EXOC2: variants seen among roughly 807,000 people sequenced by gnomAD.
The protein encoded by EXOC2 is exocyst complex component 2, also known as SEC5-like 1.
In EXOC2, 70 loss-of-function variants were observed where a neutral mutation model predicts 131.8. The ratio of observed to expected loss-of-function variants is 0.53; its 90% CI spans 0.44 to 0.65. EXOC2 has a LOEUF of 0.65. EXOC2 is among the 30% of genes least tolerant of loss of function. EXOC2 has a pLI of 0.00. For synonymous variants in EXOC2, 411 were observed against 398.4 expected, an observed-to-expected ratio of 1.03 and a Z score of -0.38; for missense variants, 923 against 1,108.6, an observed-to-expected ratio of 0.83 and a Z score of 2.38.
At chr6:651,028 TTC>T (rs1167767187) in intron 1 of EXOC2, among the ~76,000 whole-genome samples, 2 of 63,914 alleles carry the variant, frequency 3.1e-5, no homozygotes, top group South Asian at 8.1e-4. Context: ...AAGGCATGTG[TTC>T]TTTTTTTTTT....
intron 17 of EXOC2, 35 bp from the exon 18 acceptor site, chr6:556,599 A>G: frequency 6.2e-7 from 1 of 1,609,588 alleles, no homozygotes; most frequent in South Asian, 1.1e-5. Flanking sequence ...AAACTCAAAA[A>G]TGAGCACTGG....
At chr6:585,586 A>C (rs1190718628) in intron 11 of EXOC2, among the ~76,000 whole-genome samples, 2 of 152,220 alleles carry the variant, frequency 1.3e-5, no homozygotes, top group Admixed American at 1.3e-4. Context: ...GTCTCTGAAA[A>C]TCTGTCACCA....
In EXOC2 at chr6:608,261, C is replaced by T. The variant is rs189061210; in HGVS notation, c.742+1837G>A. Among the ~76,000 whole-genome samples the T allele has an allele frequency of 8.5e-5, 13 of 152,366 alleles. No individual in the cohort carries two copies. In the East Asian group the frequency reaches 1.7e-3, roughly 20 times the overall value. On this transcript the variant is annotated intron_variant, in intron 7 of 27. Coordinates refer to ENST00000230449, the MANE Select transcript of EXOC2 (RefSeq NM_018303.6). The stretch of plus-strand genomic sequence containing the variant: ...CTCGGGGCCAGAGCTGCATCCCCTC[C>T]GGCTTTGCTCCCAGGCTGGCTTAGC...
chr6:683,654 T>C (rs993438525), intron 1 of EXOC2, among the ~76,000 whole-genome samples: 1 of 152,262 alleles, frequency 6.6e-6, no homozygotes, highest in Non-Finnish European at 1.5e-5. Context: ...TTCTTTTATA[T>C]GAGCAAAGTT....
chr6:681,922 C>T (rs1331762438), intron 1 of EXOC2, among the ~76,000 whole-genome samples: 1 of 152,224 alleles, frequency 6.6e-6, no homozygotes, highest in Non-Finnish European at 1.5e-5. Flanking sequence ...TTTTCCTGCT[C>T]ACTGCTAACT....
chr6:690,781 T>C (rs777023240), intron 1 of EXOC2, among the ~76,000 whole-genome samples: 14 of 152,244 alleles, frequency 9.2e-5, no homozygotes, highest in Non-Finnish European at 1.9e-4. Flanking sequence ...AATTTTTGAC[T>C]AATATAAACA....
chr6:615,201 G>A (rs1426726399), intron 6 of EXOC2, among the ~76,000 whole-genome samples: 1 of 151,660 alleles, frequency 6.6e-6, no homozygotes, highest in Non-Finnish European at 1.5e-5. Flanking sequence ...GTGTGTGTGT[G>A]TGTGTGTGTA....
intron 1 of EXOC2, among the ~76,000 whole-genome samples, chr6:647,920 A>C (rs959293180): frequency 6.6e-6 from 1 of 152,064 alleles, no homozygotes; most frequent in Non-Finnish European, 1.5e-5. Context: ...TTTCTTATTT[A>C]TGACTGAAGA....
intron 22 of EXOC2, among the ~76,000 whole-genome samples, chr6:548,562 C>T (rs1756982249): frequency 6.6e-6 from 1 of 152,228 alleles, no homozygotes; most frequent in Non-Finnish European, 1.5e-5. Flanking sequence ...TTAATTTCTA[C>T]TGGACTCCCT....
chr6:556,227 C>A (rs1346478918), intron 18 of EXOC2, among the ~76,000 whole-genome samples: 2 of 152,116 alleles, frequency 1.3e-5, no homozygotes, highest in African/African-American at 4.8e-5. Flanking sequence ...GGCTGATGGT[C>A]AAGAGCCAGG....
intron 4 of EXOC2, among the ~76,000 whole-genome samples, chr6:627,351 G>A (rs1293667069): frequency 6.7e-6 from 1 of 149,678 alleles, no homozygotes; most frequent in Non-Finnish European, 1.5e-5. Context: ...TCATTTTCTT[G>A]CTTCCTGGAA....
chr6:488,834 T>G (rs1156702248), intron 27 of EXOC2, 145 bp downstream of exon 27: 1 of 754,740 alleles, frequency 1.3e-6, no homozygotes, highest in Non-Finnish European at 2.1e-6. Flanking sequence ...CTAACGCTAT[T>G]AAGTAGGTAT....
At chr6:634,312 T>C (rs1411366037) in intron 2 of EXOC2, among the ~76,000 whole-genome samples, 2 of 152,200 alleles carry the variant, frequency 1.3e-5, no homozygotes, top group Admixed American at 1.3e-4. Flanking sequence ...CTCGAACTCC[T>C]GGCCTCAAGT....
At chr6:574,962 T>C (rs1758497241) in intron 12 of EXOC2, among the ~76,000 whole-genome samples, 1 of 152,258 alleles carries the variant, frequency 6.6e-6, no homozygotes, top group African/African-American at 2.4e-5. Context: ...AAGGGTCCAA[T>C]GACAAGGTGA....
At chr6:587,644 A>G (rs542089543) in intron 11 of EXOC2, among the ~76,000 whole-genome samples, 18 of 152,166 alleles carry the variant, frequency 1.2e-4, no homozygotes, top group African/African-American at 4.3e-4. Context: ...GCCAAAGCAC[A>G]CTCTATTTCA....
At position 614,216 on chromosome 6, in the gene EXOC2, C is replaced by T. The variant is rs139380570; in HGVS notation, c.661+3495G>A. ...CTAGATAATCTAACAATGGAATTTA[C>T]GGTGAGGACTTAGGGTCACTCAATA... is the stretch of plus-strand genomic sequence containing the variant. On this transcript the variant is annotated intron_variant, in intron 6 of 27. Transcript: ENST00000230449. 5.1e-3 allele frequency among the ~76,000 whole-genome samples: 769 copies of T among 151,988 alleles called. 4 individuals carry two copies. Among genetic ancestry groups the T allele is most frequent in the African/African-American group, 0.017 (721 of 41,420 alleles).
chr6:537,245 G>A (rs1174765938), intron 22 of EXOC2, among the ~76,000 whole-genome samples: 1 of 150,520 alleles, frequency 6.6e-6, no homozygotes. Context: ...GACGGCCGAC[G>A]GAGGGCACAC....
chr6:657,186 A>C (rs1763172423), intron 1 of EXOC2: 5 of 374,512 alleles, frequency 1.3e-5, no homozygotes, highest in Non-Finnish European at 2.4e-5. Context: ...CTCTCACAAA[A>C]TGCTTCCGTT....
At chr6:596,667 C>T (rs752389838) in intron 10 of EXOC2, among the ~76,000 whole-genome samples, 3 of 152,130 alleles carry the variant, frequency 2.0e-5, no homozygotes, top group South Asian at 4.1e-4. Flanking sequence ...GTGTCTGTTC[C>T]TGAGACATTA....
Sources: allele counts gnomAD v4.1 joint callset (sites outside exome capture counted in the v4.1 genomes callset), GRCh38; gene constraint gnomAD v4.1.1; transcripts MANE v1.5; gene names NCBI Gene and HGNC (gene_info 2026-07-23, HGNC 2026-07-21).